The following DPP10 variants were observed in gnomAD, a reference collection of about 807,000 sequenced individuals.
DPP10 encodes dipeptidyl peptidase like 10, also known as inactive dipeptidyl peptidase 10.
In DPP10, 33 loss-of-function variants were observed where a neutral mutation model predicts 120.9. The ratio of observed to expected loss-of-function variants is 0.27; its 90% CI spans 0.21 to 0.37. DPP10 has a LOEUF of 0.37. Ranked by LOEUF, DPP10 falls within the 10% of genes least tolerant of loss-of-function variation. The pLI, the probability that DPP10 is intolerant of heterozygous loss-of-function variation, is 1.00. For missense variants in DPP10, 816 were observed against 942.8 expected, an observed-to-expected ratio of 0.87 and a Z score of 1.76; for synonymous variants, 337 against 326.1, an observed-to-expected ratio of 1.03 and a Z score of -0.36.
intron 5 of DPP10, among the ~76,000 whole-genome samples, chr2:115,625,302 C>T (rs985180605): frequency 1.3e-5 from 2 of 152,026 alleles, no homozygotes; most frequent in Admixed American, 6.6e-5. Flanking sequence ...GAAAAGACTT[C>T]AGTATTTAAA....
chr2:114,525,668 C>T (rs1218768636), intron 1 of DPP10, among the ~76,000 whole-genome samples: 13 of 152,130 alleles, frequency 8.5e-5, no homozygotes, highest in Admixed American at 2.6e-4. Context: ...CTGTGATTTT[C>T]GCACAAGTCA....
chr2:114,696,561 G>A (rs1357640407), intron 1 of DPP10, among the ~76,000 whole-genome samples: 1 of 151,962 alleles, frequency 6.6e-6, no homozygotes, highest in African/African-American at 2.4e-5. Flanking sequence ...CAGGTAAAAT[G>A]TGAAAATGTC....
intron 1 of DPP10, among the ~76,000 whole-genome samples, chr2:115,157,244 C>CAA (rs569338436): frequency 0.13 from 13,669 of 101,274 alleles, 935 homozygotes; most frequent in Admixed American, 0.25. Flanking sequence ...TTAAATATAG[C>CAA]AAAAAAAAAA....
At chr2:115,267,836 T>G (rs1468971580) in intron 1 of DPP10, among the ~76,000 whole-genome samples, 2 of 152,162 alleles carry the variant, frequency 1.3e-5, no homozygotes, top group African/African-American at 2.4e-5. Flanking sequence ...GATTGTGCTT[T>G]TAAAAATTGT....
intron 5 of DPP10, among the ~76,000 whole-genome samples, chr2:115,581,352 G>A (rs903113296): frequency 3.3e-5 from 5 of 152,048 alleles, no homozygotes; most frequent in African/African-American, 1.2e-4. Context: ...ACTTCATAAT[G>A]GGACAGTAAA....
intron 21 of DPP10, among the ~76,000 whole-genome samples, chr2:115,824,394 G>T (rs923464059): frequency 3.9e-5 from 6 of 152,020 alleles, no homozygotes; most frequent in African/African-American, 1.4e-4. Flanking sequence ...ATGGTGGTTT[G>T]CTGCACTTAT....
chr2:115,739,603 T>A (rs1267862997), intron 8 of DPP10, 136 bp from the exon 9 acceptor site: 3 of 922,234 alleles, frequency 3.3e-6, no homozygotes, highest in South Asian at 1.8e-5. Flanking sequence ...ATTAGAGAAT[T>A]TTCAGGGAAG....
intron 5 of DPP10, among the ~76,000 whole-genome samples, chr2:115,677,414 T>C (rs546290948): frequency 8.6e-5 from 13 of 151,484 alleles, no homozygotes; most frequent in Non-Finnish European, 1.6e-4. Context: ...TAGGAGTAAG[T>C]TTTTCCCAGT....
At chr2:115,468,243 G>C (rs1260591074) in intron 3 of DPP10, 7 of 506,188 alleles carry the variant, frequency 1.4e-5, no homozygotes, top group Non-Finnish European at 2.4e-5. Context: ...CTGACCGCTC[G>C]TGTCATTGTT....
chr2:115,377,628 A>T (rs906262192), intron 3 of DPP10, among the ~76,000 whole-genome samples: 72 of 152,296 alleles, frequency 4.7e-4, no homozygotes, highest in African/African-American at 1.7e-3. Flanking sequence ...GTCCTTGCCC[A>T]TGCCTATGTC....
intron 1 of DPP10, among the ~76,000 whole-genome samples, chr2:114,951,373 C>T (rs748631388): frequency 1.6e-4 from 24 of 152,052 alleles, no homozygotes; most frequent in African/African-American, 3.6e-4. Flanking sequence ...TAGAACTGAG[C>T]GACAAAAAGA....
At chr2:114,502,392 A>G (rs1381646020) in intron 1 of DPP10, among the ~76,000 whole-genome samples, 1 of 152,250 alleles carries the variant, frequency 6.6e-6, no homozygotes, top group Non-Finnish European at 1.5e-5. Flanking sequence ...TAATATAGAC[A>G]AGACTAGTTC....
At chr2:115,647,362 C>T (rs775914125) in intron 5 of DPP10, among the ~76,000 whole-genome samples, 98 of 152,176 alleles carry the variant, frequency 6.4e-4, no homozygotes, top group African/African-American at 1.9e-3. Context: ...TGCAGCTCTA[C>T]GATGATTATA....
chr2:115,440,837 T>C (rs1292835937), intron 3 of DPP10: 1 of 112,680 alleles, frequency 8.9e-6, no homozygotes, highest in African/African-American at 7.5e-5. Flanking sequence ...GCTTTATGTT[T>C]TCTCTCTTTA....
chr2:115,540,461 A>G (rs1407077393), intron 5 of DPP10, among the ~76,000 whole-genome samples: 3 of 151,846 alleles, frequency 2.0e-5, no homozygotes, highest in African/African-American at 7.2e-5. Context: ...AAGCTTGTCT[A>G]TATTGGGAGA....
intron 1 of DPP10, among the ~76,000 whole-genome samples, chr2:114,651,308 A>G (rs1696565290): frequency 6.6e-6 from 1 of 151,810 alleles, no homozygotes; most frequent in Non-Finnish European, 1.5e-5. Context: ...GTAAGTCTGC[A>G]TTACTCCAGG....
chr2:115,402,973 A>G (rs571342720), intron 3 of DPP10, among the ~76,000 whole-genome samples: 1 of 147,820 alleles, frequency 6.8e-6, no homozygotes, highest in Non-Finnish European at 1.5e-5. Context: ...ATGTATATAT[A>G]TATGGCAACA....
chr2:114,449,169 G>A (rs1329590890), intron 1 of DPP10, among the ~76,000 whole-genome samples: 7 of 152,128 alleles, frequency 4.6e-5, no homozygotes, highest in Non-Finnish European at 7.3e-5. Context: ...CTTGCCAGCT[G>A]TATCTGAAAA....
At chr2:114,518,819 G>A (rs554178952) in intron 1 of DPP10, among the ~76,000 whole-genome samples, 164 of 152,268 alleles carry the variant, frequency 1.1e-3, no homozygotes, top group Middle Eastern at 6.8e-3. Context: ...TTTTAGCTCT[G>A]CCACTATCTA....
Sources: gnomAD v4.1 joint callset for allele counts (sites outside exome capture counted in the v4.1 genomes callset) on GRCh38, gnomAD v4.1.1 for gene constraint, MANE v1.5 for transcripts, NCBI Gene and HGNC (gene_info 2026-07-23, HGNC 2026-07-21) for gene names.